BBS9: variants seen among roughly 807,000 people sequenced by gnomAD.
The protein encoded by BBS9 is protein PTHB1.
BBS9 carries 89 observed loss-of-function variants against 117.7 expected under a neutral mutation model. The ratio of observed to expected loss-of-function variants is 0.76; its 90% CI spans 0.64 to 0.90. BBS9 has a LOEUF of 0.90. Ranked by LOEUF, BBS9 falls within the 40% of genes least tolerant of loss-of-function variation. The pLI, the probability that BBS9 is intolerant of heterozygous loss-of-function variation, is 0.00. For synonymous variants in BBS9, 379 were observed against 370.9 expected, an observed-to-expected ratio of 1.02 and a Z score of -0.25; for missense variants, 982 against 1,042.2, an observed-to-expected ratio of 0.94 and a Z score of 0.80.
chr7:33,367,009 G>T (rs1045390288), intron 16 of BBS9, among the ~76,000 whole-genome samples: 1 of 152,102 alleles, frequency 6.6e-6, no homozygotes, highest in Admixed American at 6.5e-5. Context: ...GTGTGTGATG[G>T]TAACAGCCAT....
At chr7:33,201,621 A>G (rs1213224413) in intron 5 of BBS9, among the ~76,000 whole-genome samples, 3 of 151,926 alleles carry the variant, frequency 2.0e-5, no homozygotes, top group Non-Finnish European at 2.9e-5. Flanking sequence ...CTTCTTGTTC[A>G]CTTTCCATTT....
intron 5 of BBS9, 131 bp downstream of exon 5, chr7:33,177,722 A>T: frequency 1.4e-6 from 1 of 722,514 alleles, no homozygotes. Flanking sequence ...AAACCTTTGT[A>T]TCCAAATGCC....
intron 5 of BBS9, among the ~76,000 whole-genome samples, chr7:33,228,860 G>A (rs1274098777): frequency 6.6e-6 from 1 of 152,062 alleles, no homozygotes; most frequent in Non-Finnish European, 1.5e-5. Context: ...GCTGTCTCAG[G>A]GGTGGCAGAG....
At chr7:33,447,800 G>C (rs1456170344) in intron 19 of BBS9, among the ~76,000 whole-genome samples, 3 of 152,154 alleles carry the variant, frequency 2.0e-5, no homozygotes, top group African/African-American at 7.2e-5. Context: ...TTTTTGGAAA[G>C]TTCCAAACAA....
chr7:33,168,224 G>T (rs1451168254), intron 4 of BBS9, among the ~76,000 whole-genome samples: 2 of 152,132 alleles, frequency 1.3e-5, no homozygotes, highest in African/African-American at 4.8e-5. Context: ...ATTTGGTTTT[G>T]GGAAGCCCAT....
chr7:33,206,653 T>G (rs1786985445), intron 5 of BBS9, among the ~76,000 whole-genome samples: 1 of 152,176 alleles, frequency 6.6e-6, no homozygotes, highest in Non-Finnish European at 1.5e-5. Context: ...AATAGAAATA[T>G]TCTTATATAA....
At chr7:33,587,562 C>A (rs540405451) in intron 21 of BBS9, among the ~76,000 whole-genome samples, 1 of 152,130 alleles carries the variant, frequency 6.6e-6, no homozygotes, top group East Asian at 1.9e-4. Context: ...AAGAAAAGAA[C>A]AGAAACCATT....
At chr7:33,607,701 C>A (rs1205122683), downstream of BBS9, among the ~76,000 whole-genome samples, 1 of 151,802 alleles carries the variant, frequency 6.6e-6, no homozygotes, top group Non-Finnish European at 1.5e-5. Flanking sequence ...ATAATTTTTT[C>A]TCTGAAATTG....
At chr7:33,484,377 A>G (rs1842835899) in intron 19 of BBS9, among the ~76,000 whole-genome samples, 1 of 152,240 alleles carries the variant, frequency 6.6e-6, no homozygotes, top group Non-Finnish European at 1.5e-5. Flanking sequence ...TAATCAATAC[A>G]AAGTTGGAAT....
chr7:33,185,795 C>T (rs1039240729), intron 5 of BBS9, among the ~76,000 whole-genome samples: 3 of 152,136 alleles, frequency 2.0e-5, no homozygotes, highest in African/African-American at 7.2e-5. Context: ...AAAACTAAAG[C>T]CCAACACAGT....
chr7:33,329,347 A>C (rs1403749358), intron 9 of BBS9, among the ~76,000 whole-genome samples: 1 of 152,200 alleles, frequency 6.6e-6, no homozygotes, highest in African/African-American at 2.4e-5. Context: ...ACTATAAGAC[A>C]AAATGAAAAT....
chr7:33,145,887 A>G (rs1792262567), intron 1 of BBS9, among the ~76,000 whole-genome samples: 1 of 152,230 alleles, frequency 6.6e-6, no homozygotes, highest in South Asian at 2.1e-4. Flanking sequence ...AAAGGAAGTT[A>G]GGTATTTCAC....
chr7:33,334,289 G>T (rs924212686), intron 9 of BBS9, among the ~76,000 whole-genome samples: 2 of 152,146 alleles, frequency 1.3e-5, no homozygotes, highest in African/African-American at 2.4e-5. Context: ...ACTTGTATTG[G>T]GTAATGCTAG....
At chr7:33,166,329 G>A (rs1448602986) in intron 4 of BBS9, among the ~76,000 whole-genome samples, 1 of 152,226 alleles carries the variant, frequency 6.6e-6, no homozygotes, top group African/African-American at 2.4e-5. Flanking sequence ...CCCACTTGAG[G>A]AGGCAGTCTG....
chr7:33,315,793 T>A (rs1345390423), intron 9 of BBS9, among the ~76,000 whole-genome samples: 1 of 152,202 alleles, frequency 6.6e-6, no homozygotes, highest in Non-Finnish European at 1.5e-5. Flanking sequence ...TAATTTTATT[T>A]GTGATTTTTT....
intron 5 of BBS9, among the ~76,000 whole-genome samples, chr7:33,241,224 G>A (rs1026891417): frequency 6.6e-6 from 1 of 152,036 alleles, no homozygotes; most frequent in Non-Finnish European, 1.5e-5. Flanking sequence ...GGGAGGGCAA[G>A]GAGAAGACTA....
chr7:33,480,431 G>C (rs905161951), intron 19 of BBS9, among the ~76,000 whole-genome samples: 1 of 152,214 alleles, frequency 6.6e-6, no homozygotes, highest in Non-Finnish European at 1.5e-5. Flanking sequence ...AGAAAGCATA[G>C]AGTAAGTTTT....
At chr7:33,581,510 A>T (rs1176313496) in intron 21 of BBS9, among the ~76,000 whole-genome samples, 2 of 152,170 alleles carry the variant, frequency 1.3e-5, no homozygotes, top group Admixed American at 1.3e-4. Flanking sequence ...AAGAAGGCTC[A>T]TGTAACTTAC....
At chr7:33,478,690 G>T (rs1842119076) in intron 19 of BBS9, among the ~76,000 whole-genome samples, 1 of 151,952 alleles carries the variant, frequency 6.6e-6, no homozygotes, top group African/African-American at 2.4e-5. Context: ...TTGAGAGGTG[G>T]TGCCAGGTTT....
Sources: gnomAD v4.1 joint callset for allele counts (sites outside exome capture counted in the v4.1 genomes callset) on GRCh38, gnomAD v4.1.1 for gene constraint, MANE v1.5 for transcripts, NCBI Gene and HGNC (gene_info 2026-07-23, HGNC 2026-07-21) for gene names.